Variants in ARPC4 observed in about 807,000 individuals in gnomAD.
The protein encoded by ARPC4 is actin related protein 2/3 complex subunit 4.
A neutral mutation model predicts 22.8 loss-of-function variants in ARPC4; 3 were observed. The ratio of observed to expected loss-of-function variants is 0.13; its 90% CI spans 0.06 to 0.34. The LOEUF is 0.34. ARPC4 is among the 10% of genes least tolerant of loss of function. The probability of loss-of-function intolerance (pLI) is 1.00; values close to 1 mark genes in which losing one functional copy is unlikely to be tolerated. For synonymous variants in ARPC4, 80 were observed against 72.5 expected, an observed-to-expected ratio of 1.10 and a Z score of -0.52; for missense variants, 98 against 211.0, an observed-to-expected ratio of 0.46 and a Z score of 3.32.
intron 5 of ARPC4, among the ~76,000 whole-genome samples, chr3:9,805,321 G>A (rs1416618464): frequency 1.3e-5 from 2 of 152,230 alleles, no homozygotes; most frequent in Non-Finnish European, 2.9e-5. Context: ...GGCTTTAGAA[G>A]TAAAAGCACC....
upstream of ARPC4, chr3:9,792,664 C>G: frequency 1.6e-6 from 2 of 1,232,498 alleles, no homozygotes; most frequent in Non-Finnish European, 2.0e-6. Flanking sequence ...CGGCCGAGAT[C>G]TCCGCGCTGC....
chr3:9,800,748 C>G (rs750152447), intron 3 of ARPC4, among the ~76,000 whole-genome samples: 1 of 151,816 alleles, frequency 6.6e-6, no homozygotes, highest in African/African-American at 2.4e-5. Context: ...TCTAAACTTT[C>G]AACAGGATGA....
chr3:9,800,121 G>T, intron 2 of ARPC4, 64 bp from the exon 3 acceptor site: 2 of 1,543,410 alleles, frequency 1.3e-6, no homozygotes, highest in Non-Finnish European at 1.8e-6. Flanking sequence ...CAGGACCTGC[G>T]TGGGGTCACT....
chr3:9,804,075 C>T, intron 5 of ARPC4, 62 bp downstream of exon 5: 2 of 1,578,902 alleles, frequency 1.3e-6, no homozygotes, highest in Non-Finnish European at 1.7e-6. Flanking sequence ...ATGTTGAGAA[C>T]TTAGCATCTG....
intron 3 of ARPC4, among the ~76,000 whole-genome samples, chr3:9,801,125 C>T (rs530717985): frequency 6.2e-5 from 9 of 144,942 alleles, no homozygotes; most frequent in African/African-American, 2.0e-4. Context: ...GCAGGAGAAT[C>T]GCTTGAACCC....
At chr3:9,792,772 CT>C, upstream of ARPC4, 1 of 1,249,322 alleles carries the variant, frequency 8.0e-7, no homozygotes, top group Non-Finnish European at 1.0e-6. Context: ...TCCGCTTCGG[CT>C]TGTCCTAATT....
rs2078928033 is a variant in ARPC4, at chr3:9,797,852, A to G, written c.122+75A>G. ...TGGCTGCTGTCTAGAAGGTGCCATGAACTTATGTCCTGCAGTAGTCAGGAA... is the reference window on the plus strand; with the variant it reads ...TGGCTGCTGTCTAGAAGGTGCCATGGACTTATGTCCTGCAGTAGTCAGGAA... On this transcript the variant is annotated intron_variant, in intron 2 of 5. Coordinates refer to ENST00000397261, the MANE Select transcript of ARPC4 (RefSeq NM_005718.5). The G allele has an allele frequency of 3.4e-6, 5 of 1,450,246 alleles. No individual in the cohort carries two copies. In the Admixed American group the frequency reaches 9.7e-5, roughly 28 times the overall value. 89.8% of individuals were successfully genotyped at this position (1,450,246 alleles called of 1,614,324 possible).
At chr3:9,798,055 G>A in intron 2 of ARPC4, 1 of 282,730 alleles carries the variant, frequency 3.5e-6, no homozygotes. Context: ...TGGCATTGTT[G>A]AAAACACTGG....
intron 4 of ARPC4, chr3:9,803,482 C>T (rs188808727): frequency 2.1e-6 from 1 of 465,810 alleles, no homozygotes; most frequent in African/African-American, 2.0e-5. Flanking sequence ...TTAATCCCAC[C>T]CATCTTCCAC....
intron 3 of ARPC4, 54 bp from the exon 4 acceptor site, chr3:9,801,606 GT>G: frequency 9.8e-6 from 15 of 1,530,658 alleles, no homozygotes; most frequent in Admixed American, 1.9e-5. Flanking sequence ...GCTACAAGGT[GT>G]TTTTGGCCTT....
intron 4 of ARPC4, chr3:9,803,611 G>A: frequency 1.5e-6 from 1 of 677,546 alleles, no homozygotes; most frequent in Non-Finnish European, 2.7e-6. Flanking sequence ...TAGTTTTCCA[G>A]AGATGTCTGA....
Position 9,803,881 on chromosome 3 carries a change from A to G in ARPC4, c.369A>G (p.Thr123=), listed in dbSNP as rs2079061518. 2 of 1,614,222 alleles carry G rather than the reference A, an allele frequency of 1.2e-6. No homozygotes were observed. Among genetic ancestry groups the G allele is most frequent in the Non-Finnish European group, 8.5e-7 (1 of 1,180,038 alleles). The change falls in exon 5 of 6, where the codon ACA becomes ACG. Residue 123 remains threonine (T), a synonymous_variant. Coordinates refer to ENST00000397261, the MANE Select transcript of ARPC4 (RefSeq NM_005718.5). ...GCTTTCTGATCACCAACTTCCACAC[A>G]GAGCAGATGTACAAACACAAGTTGG... ...DISFLITNFH[T]EQMYKHKLVD...
At chr3:9,805,562 C>T (rs1057317048) in intron 5 of ARPC4, among the ~76,000 whole-genome samples, 11 of 152,208 alleles carry the variant, frequency 7.2e-5, no homozygotes, top group Admixed American at 6.5e-4. Flanking sequence ...GGCCATTGAA[C>T]CCCCAAATTT....
chr3:9,807,091 G>C lies in ARPC4; in HGVS notation c.*876G>C, dbSNP rs2079118027. 6.6e-6 allele frequency: 1 copy of C among 152,422 alleles called. No individual in the cohort carries two copies. The highest frequency in any genetic ancestry group is 2.1e-4 in the South Asian group (1 of 4,832). The allele number at this position is 152,422 out of a possible 1,614,324, so 9.4% of individuals were successfully genotyped here. On this transcript the variant is annotated 3_prime_UTR_variant, in exon 6 of 6. Coordinates refer to ENST00000397261, the MANE Select transcript of ARPC4 (RefSeq NM_005718.5). ...ATTAAAGTCTCTTTTTGCCCCTTTG[G>C]GGCTGCATGAGGTCTATGCTGTGTG...
At chr3:9,799,172 C>A (rs1285259057) in intron 2 of ARPC4, among the ~76,000 whole-genome samples, 5 of 152,180 alleles carry the variant, frequency 3.3e-5, no homozygotes, top group Non-Finnish European at 2.9e-5. Flanking sequence ...GCAAATGAAT[C>A]ATTTCTGGAT....
intron 1 of ARPC4, among the ~76,000 whole-genome samples, chr3:9,793,489 A>G (rs1490739908): frequency 6.6e-6 from 1 of 152,166 alleles, no homozygotes; most frequent in Non-Finnish European, 1.5e-5. Flanking sequence ...CTGCCTATCC[A>G]CAGTGGAACT....
upstream of ARPC4, chr3:9,792,689 A>T (rs2078769119): frequency 8.1e-7 from 1 of 1,233,316 alleles, no homozygotes; most frequent in Non-Finnish European, 1.0e-6. Flanking sequence ...AGCCCCGCCG[A>T]GCGCCAGGAG....
chr3:9,799,112 A>G (rs543911965), intron 2 of ARPC4, among the ~76,000 whole-genome samples: 48 of 152,300 alleles, frequency 3.2e-4, no homozygotes, highest in African/African-American at 1.1e-3. Flanking sequence ...AGAGATCTCT[A>G]GGTATTCAGA....
At chr3:9,793,385 G>T (rs2078799412) in intron 1 of ARPC4, among the ~76,000 whole-genome samples, 1 of 152,214 alleles carries the variant, frequency 6.6e-6, no homozygotes, top group African/African-American at 2.4e-5. Context: ...CCTGAGCCCT[G>T]TAGGAACCCG....
Sources: gnomAD v4.1 joint callset for allele counts (sites outside exome capture counted in the v4.1 genomes callset) on GRCh38, gnomAD v4.1.1 for gene constraint, MANE v1.5 for transcripts, NCBI Gene and HGNC (gene_info 2026-07-23, HGNC 2026-07-21) for gene names.